The following MAF variants were observed in gnomAD, a reference collection of about 807,000 sequenced individuals.
The protein encoded by MAF is transcription factor Maf.
A neutral mutation model predicts 22.0 loss-of-function variants in MAF; 10 were observed. That is an observed-to-expected ratio of 0.45 (90% CI 0.28 to 0.77). The LOEUF (loss-of-function observed/expected upper bound fraction) is 0.77, where lower values mean the gene tolerates loss of function less well. Among genes scored for constraint, MAF ranks in the 30% least tolerant of loss-of-function variants. MAF has a pLI of 0.12. For missense variants in MAF, 544 were observed against 548.4 expected, an observed-to-expected ratio of 0.99 and a Z score of 0.08; for synonymous variants, 337 against 255.8, an observed-to-expected ratio of 1.32 and a Z score of -3.03.
At chr16:79,313,551 C>A in the MAF span, among the ~76,000 whole-genome samples, 3 of 152,194 alleles carry the variant, frequency 2.0e-5, no homozygotes, top group East Asian at 5.8e-4. Flanking sequence ...CTCAAACACT[C>A]TGAATCTTAA....
chr16:79,485,294 G>C, the MAF span, among the ~76,000 whole-genome samples: 1 of 152,222 alleles, frequency 6.6e-6, no homozygotes. Context: ...AGGGTTGTTT[G>C]AGGAGTAAAT....
chr16:79,212,130 C>T, the MAF span: 9 of 1,528,928 alleles, frequency 5.9e-6, no homozygotes, highest in Non-Finnish European at 7.9e-6. Flanking sequence ...TATAGAATAG[C>T]CTGAGGTCCC....
the MAF span, among the ~76,000 whole-genome samples, chr16:79,402,909 T>C: frequency 6.6e-6 from 1 of 152,102 alleles, no homozygotes; most frequent in Non-Finnish European, 1.5e-5. Flanking sequence ...AGATCATGAA[T>C]GGGGTTGAGC....
At chr16:79,345,141 G>A in the MAF span, among the ~76,000 whole-genome samples, 4 of 152,132 alleles carry the variant, frequency 2.6e-5, no homozygotes, top group African/African-American at 9.7e-5. Flanking sequence ...GTTTTCACTT[G>A]TACCTCCTTT....
the MAF span, among the ~76,000 whole-genome samples, chr16:79,337,161 T>C: frequency 6.6e-6 from 1 of 152,326 alleles, no homozygotes; most frequent in Middle Eastern, 3.4e-3. Flanking sequence ...GAGTGGGTCA[T>C]AGGTCCCTGG....
At chr16:79,416,113 G>A in the MAF span, among the ~76,000 whole-genome samples, 1 of 152,110 alleles carries the variant, frequency 6.6e-6, no homozygotes, top group East Asian at 1.9e-4. Context: ...TGCAGCTGCT[G>A]TGTGTGCCCC....
the MAF span, among the ~76,000 whole-genome samples, chr16:79,219,523 C>A: frequency 3.5e-5 from 5 of 144,678 alleles, no homozygotes; most frequent in Admixed American, 1.4e-4. Context: ...TGCACTCCAG[C>A]CTGGGCGACA....
At chr16:79,401,928 A>G in the MAF span, among the ~76,000 whole-genome samples, 1 of 152,110 alleles carries the variant, frequency 6.6e-6, no homozygotes, top group African/African-American at 2.4e-5. Context: ...CAGCTCATTT[A>G]ATCTTTACAA....
chr16:79,486,637 A>G, the MAF span, among the ~76,000 whole-genome samples: 1 of 152,220 alleles, frequency 6.6e-6, no homozygotes. Flanking sequence ...TTAGAGCAGG[A>G]CTTACCAGTG....
chr16:79,504,605 G>T, the MAF span, among the ~76,000 whole-genome samples: 1 of 152,098 alleles, frequency 6.6e-6, no homozygotes, highest in Non-Finnish European at 1.5e-5. Flanking sequence ...ATGGATAAAT[G>T]GATAGAGGAT....
At chr16:79,546,294 G>A in the MAF span, among the ~76,000 whole-genome samples, 2 of 102,996 alleles carry the variant, frequency 1.9e-5, no homozygotes, top group Admixed American at 9.3e-5. Context: ...AAATCAATAA[G>A]AGAATTTTTT....
the MAF span, among the ~76,000 whole-genome samples, chr16:79,422,756 C>T: frequency 6.6e-6 from 1 of 152,080 alleles, no homozygotes; most frequent in Non-Finnish European, 1.5e-5. Flanking sequence ...TTCCAGTTAC[C>T]ATTCTATTAT....
chr16:79,297,319 C>T, the MAF span, among the ~76,000 whole-genome samples: 1,585 of 152,232 alleles, frequency 0.01, 9 homozygotes, highest in Middle Eastern at 0.024. Context: ...AATAGCAAAA[C>T]GGCGGCAAAT....
chr16:79,366,925 G>C, the MAF span, among the ~76,000 whole-genome samples: 1 of 152,320 alleles, frequency 6.6e-6, no homozygotes, highest in East Asian at 1.9e-4. Context: ...TATTGAAAGT[G>C]TGTATCTCAG....
chr16:79,555,486 A>T, the MAF span, among the ~76,000 whole-genome samples: 3 of 152,208 alleles, frequency 2.0e-5, no homozygotes, highest in Admixed American at 6.5e-5. Context: ...TGTAGCGTAA[A>T]TGCCTTCACC....
At chr16:79,560,757 C>T in the MAF span, among the ~76,000 whole-genome samples, 1 of 152,202 alleles carries the variant, frequency 6.6e-6, no homozygotes, top group Non-Finnish European at 1.5e-5. Context: ...AGGCCACTGC[C>T]TATTCTTCTG....
chr16:79,263,669 G>A, the MAF span, among the ~76,000 whole-genome samples: 1 of 152,148 alleles, frequency 6.6e-6, no homozygotes, highest in Non-Finnish European at 1.5e-5. Flanking sequence ...CTGTCATTCT[G>A]TGTTTGCATG....
chr16:79,502,712 T>TAA, the MAF span, among the ~76,000 whole-genome samples: 10,324 of 30,584 alleles, frequency 0.34, 980 homozygotes, highest in East Asian at 0.5. Flanking sequence ...AATATAAATA[T>TAA]ATATATATAT....
chr16:79,236,941 T>TC, the MAF span, among the ~76,000 whole-genome samples: 1 of 75,530 alleles, frequency 1.3e-5, no homozygotes. Flanking sequence ...GCCATAAATC[T>TC]CGGAAAAAAA....
Sources: gnomAD v4.1 joint callset for allele counts (sites outside exome capture counted in the v4.1 genomes callset) on GRCh38, gnomAD v4.1.1 for gene constraint, MANE v1.5 for transcripts, NCBI Gene and HGNC (gene_info 2026-07-23, HGNC 2026-07-21) for gene names.